The following SGCZ variants were observed in gnomAD, a reference collection of about 807,000 sequenced individuals.
SGCZ encodes sarcoglycan zeta.
Under a neutral mutation model 41.3 loss-of-function variants are expected in SGCZ, and 40 were observed. The ratio of observed to expected loss-of-function variants is 0.97; its 90% CI spans 0.75 to 1.26. The LOEUF (loss-of-function observed/expected upper bound fraction) is 1.26. SGCZ is among the 50% of genes most tolerant of loss of function. The pLI is 0.00. For missense variants in SGCZ, 552 were observed against 369.8 expected (o/e 1.49, Z -4.04); for synonymous variants, 206 against 137.5 (o/e 1.50, Z -3.49).
chr8:14,667,689 C>T (rs1417328391), intron 1 of SGCZ, among the ~76,000 whole-genome samples: 2 of 151,970 alleles, frequency 1.3e-5, no homozygotes, highest in Non-Finnish European at 2.9e-5. Context: ...TTTGAATTAC[C>T]ATCACTATTG....
chr8:14,346,522 G>C (rs184357420), intron 2 of SGCZ, among the ~76,000 whole-genome samples: 1 of 152,104 alleles, frequency 6.6e-6, no homozygotes, highest in African/African-American at 2.4e-5. Context: ...ATTATTTCAA[G>C]CCATAGAGTT....
intron 1 of SGCZ, among the ~76,000 whole-genome samples, chr8:14,998,984 G>A (rs892723615): frequency 6.6e-6 from 1 of 152,104 alleles, no homozygotes; most frequent in African/African-American, 2.4e-5. Context: ...ATAATCTTGG[G>A]TACACTTGGA....
At chr8:14,742,156 C>A (rs1176918258) in intron 1 of SGCZ, among the ~76,000 whole-genome samples, 1 of 151,954 alleles carries the variant, frequency 6.6e-6, no homozygotes. Flanking sequence ...AGTTTATATA[C>A]CATGCTAACA....
chr8:14,611,343 TG>T (rs1266073136), intron 1 of SGCZ, among the ~76,000 whole-genome samples: 8 of 151,980 alleles, frequency 5.3e-5, no homozygotes, highest in Non-Finnish European at 8.8e-5. Flanking sequence ...TGTGTGTGTG[TG>T]TGAATGTATG....
At chr8:14,474,072 A>C (rs1449994927) in intron 2 of SGCZ, among the ~76,000 whole-genome samples, 3 of 152,198 alleles carry the variant, frequency 2.0e-5, no homozygotes, top group Admixed American at 6.5e-5. Flanking sequence ...GGGAAAGAAG[A>C]AGTCTCTTGT....
At chr8:14,777,310 T>C (rs1800434861) in intron 1 of SGCZ, among the ~76,000 whole-genome samples, 1 of 152,126 alleles carries the variant, frequency 6.6e-6, no homozygotes, top group South Asian at 2.1e-4. Context: ...ATTACAGATA[T>C]CATAAACGAG....
chr8:14,655,845 A>G (rs1414113420), intron 1 of SGCZ, among the ~76,000 whole-genome samples: 5 of 152,106 alleles, frequency 3.3e-5, no homozygotes, highest in Non-Finnish European at 7.3e-5. Flanking sequence ...GGAGTGTTAC[A>G]TAATTGGAAC....
At chr8:14,606,774 TAAG>T (rs1403433546) in intron 1 of SGCZ, among the ~76,000 whole-genome samples, 2 of 152,190 alleles carry the variant, frequency 1.3e-5, no homozygotes, top group Non-Finnish European at 2.9e-5. Flanking sequence ...GAGGAATGAA[TAAG>T]AAGAAATGCT....
chr8:14,822,899 C>T (rs1299091443), intron 1 of SGCZ, among the ~76,000 whole-genome samples: 2 of 151,886 alleles, frequency 1.3e-5, no homozygotes, highest in East Asian at 1.9e-4. Context: ...ACAACAAATA[C>T]AAAAATTAAC....
At chr8:14,507,998 C>T (rs1422237623) in intron 2 of SGCZ, among the ~76,000 whole-genome samples, 1 of 151,812 alleles carries the variant, frequency 6.6e-6, no homozygotes, top group Non-Finnish European at 1.5e-5. Flanking sequence ...CTCAAACTCC[C>T]GAAATCAGGT....
At chr8:14,741,261 G>A (rs988351183) in intron 1 of SGCZ, among the ~76,000 whole-genome samples, 5 of 151,912 alleles carry the variant, frequency 3.3e-5, no homozygotes, top group South Asian at 2.1e-4. Context: ...AGCAATAACC[G>A]TATTAACATA....
chr8:14,285,082 C>G (rs1270332221), intron 3 of SGCZ, among the ~76,000 whole-genome samples: 1 of 152,074 alleles, frequency 6.6e-6, no homozygotes, highest in South Asian at 2.1e-4. Context: ...TTGATTTTTG[C>G]CTTTAATAAG....
At chr8:14,131,727 G>A (rs1326685221) in intron 5 of SGCZ, among the ~76,000 whole-genome samples, 6 of 152,142 alleles carry the variant, frequency 3.9e-5, no homozygotes, top group South Asian at 4.1e-4. Flanking sequence ...CCATGAAACA[G>A]ATAACATTTT....
At chr8:14,313,296 C>T (rs1229964891) in intron 3 of SGCZ, among the ~76,000 whole-genome samples, 1 of 151,974 alleles carries the variant, frequency 6.6e-6, no homozygotes, top group East Asian at 1.9e-4. Flanking sequence ...TGTCTGCTAC[C>T]CCAGGGCTGA....
At chr8:15,177,350 C>G (rs1486112981) in intron 1 of SGCZ, among the ~76,000 whole-genome samples, 1 of 152,176 alleles carries the variant, frequency 6.6e-6, no homozygotes. Context: ...AACCAGGCAG[C>G]TGGTGGGCTA....
chr8:14,394,121 G>A (rs562814296), intron 2 of SGCZ, among the ~76,000 whole-genome samples: 1 of 148,110 alleles, frequency 6.8e-6, no homozygotes, highest in Non-Finnish European at 1.5e-5. Context: ...ACTACTTCAT[G>A]CACTGCCCTA....
rs1213881233 is a variant in SGCZ at position 14,368,701 on chromosome 8, A to C, written c.235-44497T>G. ...TTCCTTATGATGGTAAAGTGAACAG[A>C]TACATCCTAAGTCTGCAGATCCTGG... On this transcript the variant is annotated intron_variant, in intron 2 of 7. Transcript: ENST00000382080. Among the ~76,000 whole-genome samples the C allele has an allele frequency of 2.0e-5, 3 of 151,534 alleles. No individual in the cohort carries two copies. The East Asian group carries it at 5.8e-4, about 29-fold the overall frequency.
intron 2 of SGCZ, among the ~76,000 whole-genome samples, chr8:14,536,664 T>C (rs985560968): frequency 2.0e-5 from 3 of 151,872 alleles, no homozygotes; most frequent in Non-Finnish European, 4.4e-5. Flanking sequence ...CACTTAAACA[T>C]AATTCCTTTG....
intron 1 of SGCZ, among the ~76,000 whole-genome samples, chr8:14,598,490 T>C (rs1430815237): frequency 1.3e-5 from 2 of 151,892 alleles, no homozygotes; most frequent in Non-Finnish European, 2.9e-5. Context: ...TCTCTCTCTC[T>C]CTATATATAT....
Sources: allele counts gnomAD v4.1 joint callset (sites outside exome capture counted in the v4.1 genomes callset), GRCh38; gene constraint gnomAD v4.1.1; transcripts MANE v1.5; gene names NCBI Gene and HGNC (gene_info 2026-07-23, HGNC 2026-07-21).